The following ANAPC1 variants were observed in gnomAD, a reference collection of about 807,000 sequenced individuals.
ANAPC1 encodes anaphase promoting complex subunit 1.
ANAPC1 carries 36 observed loss-of-function variants against 208.0 expected under a neutral mutation model. The observed-to-expected ratio is 0.17, with a 90% CI of 0.13 to 0.23. The LOEUF (loss-of-function observed/expected upper bound fraction) is 0.23, where lower values mean the gene tolerates loss of function less well. Among genes scored for constraint, ANAPC1 ranks in the 10% least tolerant of loss-of-function variants. The probability of loss-of-function intolerance (pLI) is 1.00; values close to 1 mark genes in which losing one functional copy is unlikely to be tolerated. For missense variants in ANAPC1, 942 were observed against 2,011.6 expected (o/e 0.47, Z 10.17); for synonymous variants, 378 against 695.2 (o/e 0.54, Z 7.18).
At chr2:111,788,980 T>C (rs1222377645) in intron 38 of ANAPC1, among the ~76,000 whole-genome samples, 1 of 152,154 alleles carries the variant, frequency 6.6e-6, no homozygotes, top group Non-Finnish European at 1.5e-5. Context: ...CTACTAAAAA[T>C]ACAAAAAATT....
At chr2:111,828,370 G>A (rs1679949297) in intron 21 of ANAPC1, among the ~76,000 whole-genome samples, 2 of 152,216 alleles carry the variant, frequency 1.3e-5, no homozygotes, top group African/African-American at 2.4e-5. Context: ...CTATGAAAAT[G>A]AGTTTAGCAG....
intron 26 of ANAPC1, chr2:111,819,244 C>G: frequency 1.1e-6 from 1 of 940,160 alleles, no homozygotes; most frequent in Non-Finnish European, 1.3e-6. Context: ...TCTAGGCATT[C>G]AAAAAAAAAA....
At chr2:111,873,443 T>C in intron 4 of ANAPC1, 35 bp from the exon 5 acceptor site, 3 of 1,596,444 alleles carry the variant, frequency 1.9e-6, no homozygotes, top group Non-Finnish European at 2.6e-6. Flanking sequence ...CTTATGTGTT[T>C]TTTCCCTCAA....
At chr2:111,859,395 T>C (rs1314848065) in intron 10 of ANAPC1, among the ~76,000 whole-genome samples, 4 of 151,838 alleles carry the variant, frequency 2.6e-5, no homozygotes, top group African/African-American at 9.7e-5. Flanking sequence ...CGATTGAACC[T>C]GGGAGGCAGA....
At chr2:111,880,969 G>A in intron 1 of ANAPC1, 120 bp from the exon 2 acceptor site, 4 of 913,256 alleles carry the variant, frequency 4.4e-6, no homozygotes, top group Non-Finnish European at 6.6e-6. Flanking sequence ...AGACTGGTAA[G>A]TATATAAGTT....
At chr2:111,848,269 G>A (rs1302803507) in intron 14 of ANAPC1, among the ~76,000 whole-genome samples, 1 of 151,960 alleles carries the variant, frequency 6.6e-6, no homozygotes, top group East Asian at 1.9e-4. Context: ...AGCTGTGGAA[G>A]CAACCTGGAC....
chr2:111,855,387 A>G (rs758312445), intron 13 of ANAPC1, among the ~76,000 whole-genome samples: 35 of 152,234 alleles, frequency 2.3e-4, no homozygotes, highest in South Asian at 4.1e-4. Flanking sequence ...CTGCTGGAAA[A>G]ATGGCACCAA....
At chr2:111,797,271 AAAGTT>A in intron 34 of ANAPC1, among the ~76,000 whole-genome samples, 1 of 151,422 alleles carries the variant, frequency 6.6e-6, no homozygotes, top group African/African-American at 2.4e-5. Flanking sequence ...TTAATAAACT[AAAGTT>A]TTTTGAGAAC....
chr2:111,858,197 A>T (rs1681840123), intron 11 of ANAPC1, 109 bp downstream of exon 11: 1 of 733,936 alleles, frequency 1.4e-6, no homozygotes, highest in African/African-American at 1.8e-5. Context: ...TGACATGTAA[A>T]TTATTTCTAA....
At chr2:111,808,568 T>C (rs973346155) in intron 29 of ANAPC1, among the ~76,000 whole-genome samples, 8 of 152,186 alleles carry the variant, frequency 5.3e-5, no homozygotes, top group African/African-American at 1.9e-4. Context: ...GTGATGTGTT[T>C]AGTTTAGTGT....
At chr2:111,867,460 G>A (rs779472042) in intron 7 of ANAPC1, among the ~76,000 whole-genome samples, 9 of 152,076 alleles carry the variant, frequency 5.9e-5, no homozygotes, top group Non-Finnish European at 1.0e-4. Flanking sequence ...GGAGGCCGAG[G>A]TGGGTGGATC....
At chr2:111,874,753 CCT>C (rs1224362670) in intron 3 of ANAPC1, among the ~76,000 whole-genome samples, 3 of 152,078 alleles carry the variant, frequency 2.0e-5, no homozygotes, top group Non-Finnish European at 4.4e-5. Context: ...TCTGTGAATC[CCT>C]GTTCTCAATT....
Position 111,781,064 on chromosome 2 carries a change from C to T in ANAPC1, c.5203-679G>A, listed in dbSNP as rs1573309198. On this transcript the variant is annotated intron_variant, in intron 43 of 47. Coordinates refer to ENST00000341068, the MANE Select transcript of ANAPC1 (RefSeq NM_022662.4). ...GAGCTGTAACTTGCAATGGTTAAGA[C>T]AATAAATTGTGTGCATTTTACCACA... Among the ~76,000 whole-genome samples the T allele has an allele frequency of 2.7e-5, 4 of 149,844 alleles. No homozygotes were observed. In the East Asian group the frequency reaches 5.9e-4, roughly 22 times the overall value.
At chr2:111,860,217 T>C (rs1681980830) in intron 10 of ANAPC1, among the ~76,000 whole-genome samples, 1 of 151,918 alleles carries the variant, frequency 6.6e-6, no homozygotes, top group African/African-American at 2.4e-5. Flanking sequence ...GGGAATCACC[T>C]GAGCCCAGAA....
chr2:111,880,541 T>G, intron 2 of ANAPC1, 72 bp downstream of exon 2: 1 of 1,502,196 alleles, frequency 6.7e-7, no homozygotes, highest in Non-Finnish European at 8.9e-7. Context: ...CAGTTGCATC[T>G]TAGTAGCCTT....
chr2:111,847,650 A>C, intron 15 of ANAPC1, 75 bp downstream of exon 15: 1 of 1,323,122 alleles, frequency 7.6e-7, no homozygotes, highest in Non-Finnish European at 9.9e-7. Context: ...GTCATTTTTC[A>C]GACAAAATTC....
At position 111,790,797 on chromosome 2, in the gene ANAPC1, G is replaced by A. The variant is rs189594586; in HGVS notation, c.4712+1565C>T. 7.4e-3 allele frequency among the ~76,000 whole-genome samples: 1,131 copies of A among 152,124 alleles called. 12 individuals are homozygous for A. Among genetic ancestry groups the A allele is most frequent in the African/African-American group, 0.025 (1,053 of 41,504 alleles). On this transcript the variant is annotated intron_variant, in intron 38 of 47. Transcript: ENST00000341068. ...AAAGATAGCTGCAACAAACAAAGCT[G>A]ACCAAGGGCTTAGGACATAGTTTAA... is the stretch of plus-strand genomic sequence containing the variant.
chr2:111,856,338 TA>T (rs11361199), intron 13 of ANAPC1: 129,304 of 242,106 alleles, frequency 0.53, 27,468 homozygotes, highest in Admixed American at 0.59. Context: ...ACTTTAACTT[TA>T]AAAAAAAAAA....
At chr2:111,830,329 A>G (rs1680066829) in intron 21 of ANAPC1, among the ~76,000 whole-genome samples, 1 of 152,180 alleles carries the variant, frequency 6.6e-6, no homozygotes, top group Admixed American at 6.5e-5. Context: ...CTGGATATCC[A>G]AATGAAATAA....
Sources: gnomAD v4.1 joint callset for allele counts (sites outside exome capture counted in the v4.1 genomes callset) on GRCh38, gnomAD v4.1.1 for gene constraint, MANE v1.5 for transcripts, NCBI Gene and HGNC (gene_info 2026-07-23, HGNC 2026-07-21) for gene names.